The following FARP1 variants were observed in gnomAD, a reference collection of about 807,000 sequenced individuals.
FARP1 encodes FERM, ARHGEF and pleckstrin domain-containing protein 1.
In FARP1, 52 loss-of-function variants were observed where a neutral mutation model predicts 128.8. The observed-to-expected ratio is 0.40, with a 90% CI of 0.32 to 0.51. The LOEUF is 0.51. Ranked by LOEUF, FARP1 falls within the 20% of genes least tolerant of loss-of-function variation. The pLI, the probability that FARP1 is intolerant of heterozygous loss-of-function variation, is 0.45. For synonymous variants in FARP1, 580 were observed against 551.8 expected (o/e 1.05, Z -0.72); for missense variants, 1,333 against 1,367.9 (o/e 0.97, Z 0.40).
chr13:98,204,945 C>T (rs1389550437), intron 1 of FARP1, among the ~76,000 whole-genome samples: 1 of 111,958 alleles, frequency 8.9e-6, no homozygotes, highest in Non-Finnish European at 2.3e-5. Context: ...GAGACCCTAT[C>T]TAAAAAAAAA....
At chr13:98,251,027 A>G (rs1470448111) in intron 2 of FARP1, among the ~76,000 whole-genome samples, 3 of 152,232 alleles carry the variant, frequency 2.0e-5, no homozygotes, top group African/African-American at 7.2e-5. Context: ...CAGGGACTTC[A>G]TAGATGTTTA....
intron 2 of FARP1, among the ~76,000 whole-genome samples, chr13:98,320,658 G>T (rs1273763004): frequency 1.3e-5 from 2 of 152,188 alleles, no homozygotes; most frequent in African/African-American, 4.8e-5. Flanking sequence ...AATTTAAATT[G>T]TAAACAAAAC....
At chr13:98,201,911 C>A (rs1406664923) in intron 1 of FARP1, among the ~76,000 whole-genome samples, 4 of 152,144 alleles carry the variant, frequency 2.6e-5, no homozygotes. Flanking sequence ...CTCCTTTTTC[C>A]AAATGATCAA....
Position 98,213,350 on chromosome 13 carries a change from A to G in FARP1, c.108A>G (p.Ser36=), listed in dbSNP as rs753170281. 8.1e-6 allele frequency: 13 copies of G among 1,614,022 alleles called. No homozygotes were observed. In the Admixed American group the frequency reaches 1.5e-4, roughly 19 times the overall value. The change falls in exon 2 of 27, where the codon TCA becomes TCG. Residue 36 remains serine, a synonymous_variant. Coordinates refer to ENST00000319562, the MANE Select transcript of FARP1 (RefSeq NM_005766.4). ...GACAGAAGCCGCCCCCAACACCTTC[A>G]GGAAAACTCGTGTCCATCAAAATCC... is the stretch of plus-strand genomic sequence containing the variant. The part of the protein sequence containing the change: ...ERGQKPPPTP[S]GKLVSIKIQM...
At chr13:98,293,185 A>G (rs1885524037) in intron 2 of FARP1, among the ~76,000 whole-genome samples, 1 of 152,176 alleles carries the variant, frequency 6.6e-6, no homozygotes, top group Admixed American at 6.5e-5. Flanking sequence ...AATGGAATCA[A>G]TTGTTTTCTC....
chr13:98,317,010 G>C (rs1886749515), intron 2 of FARP1, among the ~76,000 whole-genome samples: 1 of 152,208 alleles, frequency 6.6e-6, no homozygotes, highest in African/African-American at 2.4e-5. Flanking sequence ...TTTTGCAAGT[G>C]TAGGGCTTCC....
chr13:98,152,315 A>G (rs1260850686), intron 1 of FARP1, among the ~76,000 whole-genome samples: 1 of 152,192 alleles, frequency 6.6e-6, no homozygotes, highest in East Asian at 1.9e-4. Context: ...TGTTGTTACT[A>G]GGTCCCTAGC....
In FARP1 at chr13:98,366,169, T is replaced by A. The variant is rs549935644; in HGVS notation, c.319+732T>A. On this transcript the variant is annotated intron_variant, in intron 4 of 26. Coordinates refer to ENST00000319562, the MANE Select transcript of FARP1 (RefSeq NM_005766.4). The stretch of plus-strand genomic sequence containing the variant: ...TGGACAAAAATCTGAGAATACTGTA[T>A]CCTTTTAGTTGAGCATGAAGCTTAC... Among the ~76,000 whole-genome samples, 11 of 152,218 alleles carry A rather than the reference T, an allele frequency of 7.2e-5. No individual in the cohort carries two copies. The East Asian group carries it at 2.1e-3, about 29-fold the overall frequency.
At chr13:98,193,169 T>C (rs1397634360) in intron 1 of FARP1, among the ~76,000 whole-genome samples, 1 of 152,076 alleles carries the variant, frequency 6.6e-6, no homozygotes, top group African/African-American at 2.4e-5. Context: ...GCGATTCTTC[T>C]GCCTCAGCCT....
intron 13 of FARP1, chr13:98,404,222 A>T (rs9584836): frequency 0.43 from 64,707 of 152,104 alleles, 14,792 homozygotes; most frequent in Non-Finnish European, 0.52. Flanking sequence ...TGTGAAGCTG[A>T]TGCTTAGCTG....
chr13:98,426,842 G>A (rs547342737), intron 17 of FARP1, among the ~76,000 whole-genome samples: 1 of 152,318 alleles, frequency 6.6e-6, no homozygotes, highest in South Asian at 2.1e-4. Flanking sequence ...ACAGATAGAA[G>A]GATAACAGAC....
chr13:98,202,878 C>G (rs113012973), intron 1 of FARP1, among the ~76,000 whole-genome samples: 3 of 151,904 alleles, frequency 2.0e-5, no homozygotes, highest in Admixed American at 6.6e-5. Flanking sequence ...TACCACCATG[C>G]CTGGGTAGTT....
chr13:98,232,145 G>GTTTTTTTTTTTTTTTTT (rs59209045), intron 2 of FARP1, among the ~76,000 whole-genome samples: 5 of 105,780 alleles, frequency 4.7e-5, no homozygotes, highest in East Asian at 2.5e-4. Flanking sequence ...TGTTTGGTTG[G>GTTTTTTTTTTTTTTTTT]TTTTTTTTTT....
At chr13:98,368,368 G>C (rs956829227) in intron 5 of FARP1, among the ~76,000 whole-genome samples, 173 bp downstream of exon 5, 3 of 152,302 alleles carry the variant, frequency 2.0e-5, no homozygotes, top group Middle Eastern at 3.4e-3. Flanking sequence ...AAAATGGGGG[G>C]AGAAGTACTG....
At chr13:98,358,420 A>G (rs1199514315) in intron 3 of FARP1, among the ~76,000 whole-genome samples, 1 of 151,710 alleles carries the variant, frequency 6.6e-6, no homozygotes, top group Non-Finnish European at 1.5e-5. Flanking sequence ...TATTTTCTCC[A>G]TTTTTGGAGT....
chr13:98,342,297 T>C (rs568511884), intron 2 of FARP1, among the ~76,000 whole-genome samples: 1 of 152,364 alleles, frequency 6.6e-6, no homozygotes, highest in South Asian at 2.1e-4. Flanking sequence ...CAGAAATATT[T>C]ATAACACCTG....
intron 1 of FARP1, among the ~76,000 whole-genome samples, chr13:98,199,285 T>TA (rs904530181): frequency 3.3e-5 from 5 of 152,094 alleles, no homozygotes; most frequent in Non-Finnish European, 7.4e-5. Context: ...CTGAGGCTTT[T>TA]AAAATTCGTT....
At chr13:98,220,742 G>C (rs1594287033) in intron 2 of FARP1, among the ~76,000 whole-genome samples, 1 of 152,166 alleles carries the variant, frequency 6.6e-6, no homozygotes, top group East Asian at 1.9e-4. Context: ...TTAAGAGCTG[G>C]CTTGAAATGT....
At chr13:98,209,281 T>A (rs939544696) in intron 1 of FARP1, among the ~76,000 whole-genome samples, 2 of 150,780 alleles carry the variant, frequency 1.3e-5, no homozygotes, top group African/African-American at 4.9e-5. Context: ...GTGCTGGGAT[T>A]ACAGGCGTGA....
Sources: gnomAD v4.1 joint callset for allele counts (sites outside exome capture counted in the v4.1 genomes callset) on GRCh38, gnomAD v4.1.1 for gene constraint, MANE v1.5 for transcripts, NCBI Gene and HGNC (gene_info 2026-07-23, HGNC 2026-07-21) for gene names.